The following GRM4 variants were observed in gnomAD, a reference collection of about 807,000 sequenced individuals.
GRM4 encodes glutamate metabotropic receptor 4.
GRM4 carries 28 observed loss-of-function variants against 81.7 expected under a neutral mutation model. That is an observed-to-expected ratio of 0.34 (90% CI 0.25 to 0.47). The LOEUF is 0.47. GRM4 is among the 20% of genes least tolerant of loss of function. The pLI is 1.00. For missense variants in GRM4, 948 were observed against 1,290.0 expected (o/e 0.73, Z 4.06); for synonymous variants, 488 against 528.8 (o/e 0.92, Z 1.06).
chr6:34,081,579 G>A (rs539241169), intron 3 of GRM4, among the ~76,000 whole-genome samples: 1 of 152,306 alleles, frequency 6.6e-6, no homozygotes, highest in East Asian at 1.9e-4. Flanking sequence ...TTTGGTCTTA[G>A]AAATGAAAAA....
At chr6:34,148,155 G>A (rs997806993), upstream of GRM4, among the ~76,000 whole-genome samples, 5 of 151,524 alleles carry the variant, frequency 3.3e-5, no homozygotes, top group South Asian at 2.1e-4. Flanking sequence ...TTGTGGACTC[G>A]TCCAGTTTGC....
upstream of GRM4, among the ~76,000 whole-genome samples, chr6:34,146,842 G>A (rs1770945602): frequency 6.6e-6 from 1 of 152,202 alleles, no homozygotes; most frequent in South Asian, 2.1e-4. Flanking sequence ...GGGAATGTCT[G>A]GGAGGGTCTG....
At chr6:34,120,341 G>A (rs1275738894) in intron 2 of GRM4, among the ~76,000 whole-genome samples, 1 of 152,114 alleles carries the variant, frequency 6.6e-6, no homozygotes, top group East Asian at 1.9e-4. Context: ...CCTGGCCCAG[G>A]CTGATCAGCC....
chr6:34,112,018 G>A (rs139515533), intron 2 of GRM4, among the ~76,000 whole-genome samples: 194 of 152,242 alleles, frequency 1.3e-3, no homozygotes, highest in Middle Eastern at 3.4e-3. Context: ...CTAAATAAAC[G>A]TAGTGGAAGG....
intron 3 of GRM4, among the ~76,000 whole-genome samples, chr6:34,065,411 G>C (rs139263274): frequency 3.0e-4 from 45 of 152,196 alleles, no homozygotes; most frequent in Non-Finnish European, 5.3e-4. Context: ...ACTGAGAGTA[G>C]ATAGAATCAA....
intron 1 of GRM4, among the ~76,000 whole-genome samples, chr6:34,144,289 G>A (rs1239000696): frequency 6.6e-6 from 1 of 152,192 alleles, no homozygotes; most frequent in East Asian, 1.9e-4. Flanking sequence ...GCCCCCGCGC[G>A]GGGAGGAGAC....
rs374647710 is a variant in GRM4, at chr6:34,040,745, C to T, written c.1172G>A (p.Arg391His). The change falls in exon 7 of 11, where the codon CGT becomes CAT. Residue 391 changes from arginine to histidine, a missense_variant. By Grantham distance (29) the Arg-to-His change is conservative (BLOSUM62 0). Transcript: ENST00000538487. ...KGSHVKKCTN[R>H]ERIGQDSAYE... The stretch of plus-strand genomic sequence containing the variant: ...AGCTGAATCCTGCCCAATTCGCTCA[C>T]GGTCTGCAATGAAACACCAGGAACA... 1.9e-5 allele frequency: 30 copies of T among 1,612,534 alleles called. No homozygotes were observed. The highest frequency in any genetic ancestry group is 5.5e-5 in the South Asian group (5 of 91,022).
At position 34,133,745 on chromosome 6, in the gene GRM4, G is replaced by T. The variant is rs1388266747; in HGVS notation, c.-249C>A. 7.9e-7 allele frequency: 1 copy of T among 1,264,236 alleles called. No individual in the cohort carries two copies. Among genetic ancestry groups the T allele is most frequent in the Non-Finnish European group, 9.9e-7 (1 of 1,007,768 alleles). 78.3% of individuals were successfully genotyped at this position (1,264,236 alleles called of 1,614,324 possible). ...GGGTTGCAGGAAGGCTCTGATCCTT[G>T]TCCCGTCCTGCAGGCCTGTTCTCGG... On this transcript the variant is annotated 5_prime_UTR_variant, in exon 2 of 11. Transcript: ENST00000538487. The surrounding 1 kb of genome is among the most constrained non-coding windows in gnomAD (Gnocchi z 6.5).
At chr6:34,091,697 T>G in intron 3 of GRM4, 186 bp downstream of exon 3, 1 of 589,730 alleles carries the variant, frequency 1.7e-6, no homozygotes, top group South Asian at 2.1e-5. Context: ...TTGACCGGAG[T>G]CACCCAGAGC....
rs1432328588 is a variant in GRM4 at position 34,089,012 on chromosome 6, TTCTAGC to T, written c.736+2865_736+2870del. 6.6e-6 allele frequency among the ~76,000 whole-genome samples: 1 copy of T among 152,156 alleles called. No individual in the cohort carries two copies. The highest frequency in any genetic ancestry group is 6.5e-5 in the Admixed American group (1 of 15,278). ...AGGTTCCCATCCCAGCTCCTCCATG[TTCTAGC>T]TCTGTGGCCTTGGGAAAGTGACCCA... On this transcript the variant is annotated intron_variant, in intron 3 of 10. Coordinates refer to ENST00000538487, the MANE Select transcript of GRM4 (RefSeq NM_000841.4). The surrounding 1 kb of genome is among the most constrained non-coding windows in gnomAD (Gnocchi z 4.3).
chr6:34,023,096 C>T (rs75591978), intron 10 of GRM4, among the ~76,000 whole-genome samples: 7,312 of 152,278 alleles, frequency 0.048, 533 homozygotes, highest in African/African-American at 0.16. Flanking sequence ...GGACTGGGCC[C>T]ATGTTTCGCA....
intron 6 of GRM4, among the ~76,000 whole-genome samples, chr6:34,043,329 T>C (rs1450252046): frequency 6.6e-6 from 1 of 152,044 alleles, no homozygotes; most frequent in Non-Finnish European, 1.5e-5. Flanking sequence ...TAGGGAGAAA[T>C]GGAATGGACG....
At chr6:34,101,093 A>T (rs1274913115) in intron 2 of GRM4, among the ~76,000 whole-genome samples, 2 of 152,120 alleles carry the variant, frequency 1.3e-5, no homozygotes, top group Non-Finnish European at 2.9e-5. Context: ...ATTTATTTCC[A>T]CCTCAAGGGC....
intron 6 of GRM4, among the ~76,000 whole-genome samples, chr6:34,051,432 C>G (rs1765604535): frequency 1.3e-5 from 2 of 152,308 alleles, no homozygotes; most frequent in Non-Finnish European, 1.5e-5. Flanking sequence ...CCCACACACC[C>G]CCAGCCACCA....
intron 1 of GRM4, among the ~76,000 whole-genome samples, chr6:34,145,723 G>T (rs370422654): frequency 6.6e-6 from 1 of 152,222 alleles, no homozygotes; most frequent in East Asian, 1.9e-4. Flanking sequence ...GCCCACAGCC[G>T]CTGCTGCACC....
chr6:34,056,391 TC>T, intron 6 of GRM4, 152 bp downstream of exon 6: 2 of 572,234 alleles, frequency 3.5e-6, no homozygotes, highest in Non-Finnish European at 6.0e-6. Flanking sequence ...GCCCCAGGCC[TC>T]CCAACTCCAC....
At chr6:34,103,498 G>T in intron 2 of GRM4, 1 of 1,092,738 alleles carries the variant, frequency 9.2e-7, no homozygotes, top group Non-Finnish European at 1.3e-6. Flanking sequence ...CGGGGGCGGC[G>T]GGCGAGGGAG....
chr6:34,072,885 C>A (rs542611348), intron 3 of GRM4, among the ~76,000 whole-genome samples: 163 of 83,798 alleles, frequency 1.9e-3, no homozygotes, highest in Admixed American at 3.9e-3. Flanking sequence ...ACCCACACAT[C>A]ATCACACAGA....
chr6:34,146,324 A>G (rs1290721488), upstream of GRM4, among the ~76,000 whole-genome samples: 2 of 152,004 alleles, frequency 1.3e-5, no homozygotes, highest in Non-Finnish European at 2.9e-5. Flanking sequence ...TTACCACCTC[A>G]AAACCCCACC....
Sources: gnomAD v4.1 joint callset for allele counts (sites outside exome capture counted in the v4.1 genomes callset) on GRCh38, gnomAD v4.1.1 for gene constraint, Gnocchi (gnomAD v3.1) non-coding constraint, MANE v1.5 for transcripts, NCBI Gene and HGNC (gene_info 2026-07-23, HGNC 2026-07-21) for gene names.